Variants in IGF2BP2 observed in about 807,000 individuals in gnomAD.
IGF2BP2 encodes the protein insulin-like growth factor 2 mRNA-binding protein 2.
Under a neutral mutation model 75.8 loss-of-function variants are expected in IGF2BP2, and 17 were observed. That is an observed-to-expected ratio of 0.22 (90% CI 0.15 to 0.34). The LOEUF (loss-of-function observed/expected upper bound fraction) is 0.34, where lower values mean the gene tolerates loss of function less well. Among genes scored for constraint, IGF2BP2 ranks in the 10% least tolerant of loss-of-function variants. IGF2BP2 has a pLI of 1.00. For synonymous variants in IGF2BP2, 288 were observed against 295.6 expected, an observed-to-expected ratio of 0.97 and a Z score of 0.26; for missense variants, 516 against 772.4, an observed-to-expected ratio of 0.67 and a Z score of 3.93.
intron 2 of IGF2BP2, among the ~76,000 whole-genome samples, chr3:185,708,360 G>C (rs1367138006): frequency 6.6e-6 from 1 of 152,140 alleles, no homozygotes; most frequent in African/African-American, 2.4e-5. Flanking sequence ...GCCTTCGGAA[G>C]GATGTCCAGC....
chr3:185,720,489 A>G lies in IGF2BP2; in HGVS notation c.240-22142T>C, dbSNP rs370541262. On this transcript the variant is annotated intron_variant, in intron 2 of 15. Transcript: ENST00000382199. Reference sequence around the variant, plus strand: ...CCAAAGCCTATTTAAAGCTACTAACATGATATCACCAAAACGGAAATTGGA... The same window carrying G: ...CCAAAGCCTATTTAAAGCTACTAACGTGATATCACCAAAACGGAAATTGGA... Among the ~76,000 whole-genome samples, 16 of 152,288 alleles carry G rather than the reference A, an allele frequency of 1.1e-4. No individual in the cohort carries two copies. In the East Asian group the frequency reaches 1.4e-3, roughly 13 times the overall value.
At chr3:185,729,182 G>A (rs934775127) in intron 2 of IGF2BP2, among the ~76,000 whole-genome samples, 2 of 152,190 alleles carry the variant, frequency 1.3e-5, no homozygotes, top group Non-Finnish European at 2.9e-5. Flanking sequence ...TGGAAAGTAT[G>A]CAGAAAACAC....
chr3:185,697,680 C>A (rs1173685643), intron 3 of IGF2BP2, among the ~76,000 whole-genome samples: 1 of 152,146 alleles, frequency 6.6e-6, no homozygotes, highest in Non-Finnish European at 1.5e-5. Flanking sequence ...ACTTTTGTTG[C>A]CTTTTCATTC....
intron 2 of IGF2BP2, among the ~76,000 whole-genome samples, chr3:185,816,694 G>A (rs9859406): frequency 0.45 from 68,161 of 152,046 alleles, 18,339 homozygotes; most frequent in African/African-American, 0.77. Flanking sequence ...AAAAGAGATA[G>A]TATCAATTGT....
At chr3:185,813,144 A>C (rs953893443) in intron 2 of IGF2BP2, among the ~76,000 whole-genome samples, 2 of 152,184 alleles carry the variant, frequency 1.3e-5, no homozygotes, top group South Asian at 2.1e-4. Context: ...CGACTTACCT[A>C]CTTTACAAAT....
intron 2 of IGF2BP2, among the ~76,000 whole-genome samples, chr3:185,709,438 G>A (rs1015772019): frequency 2.0e-5 from 3 of 152,190 alleles, no homozygotes; most frequent in South Asian, 2.1e-4. Flanking sequence ...GCTGCTGGGC[G>A]CTGGCTTCTT....
intron 12 of IGF2BP2, among the ~76,000 whole-genome samples, chr3:185,654,438 T>A (rs2149078173): frequency 6.6e-6 from 1 of 152,312 alleles, no homozygotes; most frequent in East Asian, 1.9e-4. Flanking sequence ...GGTTCCCAGC[T>A]CCTACCACCA....
chr3:185,722,685 AGCTCACTGGAAAACTGTAG>A (rs1726749356), intron 2 of IGF2BP2, among the ~76,000 whole-genome samples: 1 of 152,190 alleles, frequency 6.6e-6, no homozygotes, highest in Non-Finnish European at 1.5e-5. Flanking sequence ...AGCTGCTCAC[AGCTCACTGGAAAACTGTAG>A]GAACAGCCCT....
chr3:185,762,780 G>T (rs191053367), intron 2 of IGF2BP2, among the ~76,000 whole-genome samples: 4 of 152,132 alleles, frequency 2.6e-5, no homozygotes, highest in African/African-American at 9.7e-5. Context: ...GCACAGATGA[G>T]TTTCTTAATA....
At chr3:185,676,134 G>A (rs1277759382) in intron 7 of IGF2BP2, among the ~76,000 whole-genome samples, 1 of 152,134 alleles carries the variant, frequency 6.6e-6, no homozygotes, top group African/African-American at 2.4e-5. Flanking sequence ...GTAGCTGGTT[G>A]GAAGTGGATC....
At chr3:185,676,006 T>A in intron 7 of IGF2BP2, 93 bp from the exon 8 acceptor site, 4 of 1,487,386 alleles carry the variant, frequency 2.7e-6, no homozygotes, top group Non-Finnish European at 3.6e-6. Flanking sequence ...TAAATGGAAG[T>A]CATTTTGTTC....
At chr3:185,675,064 T>C (rs1174977271) in intron 9 of IGF2BP2, 2 of 269,496 alleles carry the variant, frequency 7.4e-6, no homozygotes, top group African/African-American at 2.3e-5. Flanking sequence ...CACTATATCA[T>C]AAGCTTTTCC....
chr3:185,823,383 G>C (rs1741617535), intron 1 of IGF2BP2, 170 bp from the exon 2 acceptor site: 1 of 492,544 alleles, frequency 2.0e-6, no homozygotes, highest in Admixed American at 4.1e-5. Flanking sequence ...AAGAAAGGTG[G>C]GCGCCCCGTG....
chr3:185,699,109 T>C (rs923294743), intron 2 of IGF2BP2, among the ~76,000 whole-genome samples: 6 of 152,070 alleles, frequency 3.9e-5, no homozygotes, highest in Admixed American at 3.9e-4. Flanking sequence ...GCCACCACAC[T>C]GGCCTCATGA....
chr3:185,786,356 C>T (rs566467814), intron 2 of IGF2BP2, among the ~76,000 whole-genome samples: 21 of 152,196 alleles, frequency 1.4e-4, no homozygotes, highest in African/African-American at 1.9e-4. Flanking sequence ...GTGACCTGCA[C>T]GTATATGTCC....
chr3:185,732,730 G>T (rs1728354553), intron 2 of IGF2BP2, among the ~76,000 whole-genome samples: 1 of 152,214 alleles, frequency 6.6e-6, no homozygotes, highest in South Asian at 2.1e-4. Flanking sequence ...TAAAGTCACT[G>T]CTGTAGCTTG....
chr3:185,738,225 A>G (rs1729097034), intron 2 of IGF2BP2, among the ~76,000 whole-genome samples: 1 of 152,238 alleles, frequency 6.6e-6, no homozygotes, highest in Admixed American at 6.5e-5. Context: ...TAGTACTTCA[A>G]AAGACATTAA....
intron 2 of IGF2BP2, among the ~76,000 whole-genome samples, chr3:185,760,876 C>T (rs1395038459): frequency 6.6e-6 from 1 of 152,202 alleles, no homozygotes; most frequent in African/African-American, 2.4e-5. Context: ...CATATTATCA[C>T]ATACATTTCT....
At chr3:185,797,967 C>T (rs879855932) in intron 2 of IGF2BP2, among the ~76,000 whole-genome samples, 5 of 150,766 alleles carry the variant, frequency 3.3e-5, no homozygotes, top group African/African-American at 9.8e-5. Context: ...TTTGGGAGGC[C>T]GAGGCAGGTG....
Sources: allele counts gnomAD v4.1 joint callset (sites outside exome capture counted in the v4.1 genomes callset), GRCh38; gene constraint gnomAD v4.1.1; transcripts MANE v1.5; gene names NCBI Gene and HGNC (gene_info 2026-07-23, HGNC 2026-07-21).